Variants in STXBP5 observed in about 807,000 individuals in gnomAD.
STXBP5 encodes syntaxin-binding protein 5.
Under a neutral mutation model 152.4 loss-of-function variants are expected in STXBP5, and 50 were observed. That is an observed-to-expected ratio of 0.33 (90% CI 0.26 to 0.42). The LOEUF is 0.42. STXBP5 is among the 10% of genes least tolerant of loss of function. The probability of loss-of-function intolerance (pLI) is 1.00; values close to 1 mark genes in which losing one functional copy is unlikely to be tolerated. For synonymous variants in STXBP5, 492 were observed against 494.7 expected (o/e 0.99, Z 0.07); for missense variants, 1,167 against 1,388.6 (o/e 0.84, Z 2.54).
chr6:147,292,564 A>G (rs946232334), intron 9 of STXBP5: 10 of 154,076 alleles, frequency 6.5e-5, no homozygotes, highest in African/African-American at 2.2e-4. Flanking sequence ...ATTGATTTTT[A>G]TTTGTTACAT....
intron 26 of STXBP5, among the ~76,000 whole-genome samples, chr6:147,380,357 G>C (rs1476197111): frequency 2.7e-5 from 4 of 150,568 alleles, no homozygotes. Flanking sequence ...TACATTTATG[G>C]TCAATTGTTT....
intron 4 of STXBP5, among the ~76,000 whole-genome samples, chr6:147,244,295 G>A (rs937811367): frequency 3.3e-5 from 5 of 152,146 alleles, no homozygotes; most frequent in African/African-American, 1.2e-4. Flanking sequence ...TGATTGACTT[G>A]ATTACTGTAG....
At position 147,385,397 on chromosome 6, in the gene STXBP5, TTTAG is replaced by T. The variant is rs1278290567; in HGVS notation, c.*645_*648del. ...GGATTCTTGTTATTATAGACTTGTATTTAGTTCATATTTTGTCAAAAGCAAAACA... is the reference window on the plus strand; with the variant it reads ...GGATTCTTGTTATTATAGACTTGTATTTCATATTTTGTCAAAAGCAAAACA... On this transcript the variant is annotated 3_prime_UTR_variant, in exon 28 of 28. Coordinates refer to ENST00000321680, the MANE Select transcript of STXBP5 (RefSeq NM_001127715.4). 1 of 152,110 alleles carries T rather than the reference TTTAG, an allele frequency of 6.6e-6. No homozygotes were observed. Among genetic ancestry groups the T allele is most frequent in the Non-Finnish European group, 1.5e-5 (1 of 67,988 alleles). The allele number at this position is 152,110 out of a possible 1,614,324, so 9.4% of individuals were successfully genotyped here.
chr6:147,284,221 AC>A (rs1369713728), intron 8 of STXBP5, among the ~76,000 whole-genome samples: 1 of 152,134 alleles, frequency 6.6e-6, no homozygotes, highest in African/African-American at 2.4e-5. Context: ...CGGTAGACTT[AC>A]GGCTACCCTA....
At chr6:147,352,315 G>A (rs1562263343) in intron 21 of STXBP5, among the ~76,000 whole-genome samples, 1 of 152,186 alleles carries the variant, frequency 6.6e-6, no homozygotes, top group Non-Finnish European at 1.5e-5. Flanking sequence ...TTAGATATAA[G>A]TTTGGCCTAT....
At chr6:147,242,341 TA>T (rs1778591224) in intron 4 of STXBP5, among the ~76,000 whole-genome samples, 1 of 152,118 alleles carries the variant, frequency 6.6e-6, no homozygotes, top group South Asian at 2.1e-4. Context: ...GTTTATGACG[TA>T]AAGTTTACAG....
intron 21 of STXBP5, among the ~76,000 whole-genome samples, chr6:147,345,176 T>C (rs919977958): frequency 2.0e-5 from 3 of 152,178 alleles, no homozygotes; most frequent in African/African-American, 7.2e-5. Flanking sequence ...AAAATTCCAA[T>C]GACAGTTTTG....
intron 2 of STXBP5, 28 bp downstream of exon 2, chr6:147,206,096 A>G (rs747478430): frequency 5.0e-6 from 8 of 1,592,234 alleles, no homozygotes; most frequent in African/African-American, 1.3e-5. Flanking sequence ...TTATTTTTTA[A>G]CTTCTACTTT....
chr6:147,311,810 G>C (rs908426446), intron 11 of STXBP5, among the ~76,000 whole-genome samples: 1 of 152,032 alleles, frequency 6.6e-6, no homozygotes, highest in Non-Finnish European at 1.5e-5. Flanking sequence ...AAATCAGCAC[G>C]TCAAAAATTA....
intron 22 of STXBP5, among the ~76,000 whole-genome samples, chr6:147,353,581 C>T (rs1236793382): frequency 6.6e-6 from 1 of 152,034 alleles, no homozygotes; most frequent in Non-Finnish European, 1.5e-5. Flanking sequence ...AAGCAAACCG[C>T]AAGAATATAT....
intron 4 of STXBP5, among the ~76,000 whole-genome samples, chr6:147,258,702 G>A (rs956729341): frequency 1.6e-4 from 24 of 152,172 alleles, no homozygotes; most frequent in African/African-American, 5.3e-4. Flanking sequence ...CAAAGTGCTG[G>A]GATTACAGGC....
At chr6:147,205,890 A>C in intron 1 of STXBP5, 81 bp from the exon 2 acceptor site, 1 of 1,079,990 alleles carries the variant, frequency 9.3e-7, no homozygotes, top group Non-Finnish European at 1.4e-6. Flanking sequence ...GTGGTTCTAA[A>C]TTCTAACGCC....
chr6:147,288,448 C>G (rs1008512991), intron 8 of STXBP5, among the ~76,000 whole-genome samples: 3 of 152,246 alleles, frequency 2.0e-5, no homozygotes, highest in Admixed American at 6.5e-5. Context: ...TACCACAGTC[C>G]CCTGTCCCCG....
chr6:147,316,831 C>A (rs182066060), intron 16 of STXBP5, among the ~76,000 whole-genome samples: 2 of 152,216 alleles, frequency 1.3e-5, no homozygotes, highest in East Asian at 3.9e-4. Context: ...TTCACTAGCA[C>A]CACCGTATCT....
At chr6:147,331,383 G>A (rs919319482) in intron 18 of STXBP5, among the ~76,000 whole-genome samples, 2 of 152,158 alleles carry the variant, frequency 1.3e-5, no homozygotes, top group Admixed American at 6.5e-5. Flanking sequence ...ATATAGAACA[G>A]AAAACACAGT....
intron 2 of STXBP5, among the ~76,000 whole-genome samples, chr6:147,229,921 C>G (rs1275336464): frequency 4.0e-5 from 6 of 151,848 alleles, no homozygotes; most frequent in Non-Finnish European, 7.4e-5. Flanking sequence ...AATGGACATG[C>G]TGTCTTTTTC....
At chr6:147,350,670 A>T (rs1195158704) in intron 21 of STXBP5, among the ~76,000 whole-genome samples, 1 of 152,168 alleles carries the variant, frequency 6.6e-6, no homozygotes, top group East Asian at 1.9e-4. Flanking sequence ...TTGCCATAGA[A>T]TTAGAATGAA....
chr6:147,213,534 T>C (rs1777003278), intron 2 of STXBP5, among the ~76,000 whole-genome samples: 1 of 151,568 alleles, frequency 6.6e-6, no homozygotes, highest in South Asian at 2.1e-4. Context: ...CTTGCAAAGA[T>C]GGGGTCATAC....
intron 19 of STXBP5, among the ~76,000 whole-genome samples, chr6:147,337,215 A>ACACACACAC (rs1562254604): frequency 2.7e-5 from 1 of 36,500 alleles, no homozygotes; most frequent in Admixed American, 3.0e-4. Flanking sequence ...ACACACACAC[A>ACACACACAC]AGAAGTCATG....
Sources: gnomAD v4.1 joint callset for allele counts (sites outside exome capture counted in the v4.1 genomes callset) on GRCh38, gnomAD v4.1.1 for gene constraint, MANE v1.5 for transcripts, NCBI Gene and HGNC (gene_info 2026-07-23, HGNC 2026-07-21) for gene names.